DUOXA1: variants seen among roughly 807,000 people sequenced by gnomAD.
DUOXA1 encodes dual oxidase activator 1.
Under a neutral mutation model 26.6 loss-of-function variants are expected in DUOXA1, and 19 were observed. The ratio of observed to expected loss-of-function variants is 0.71; its 90% CI spans 0.50 to 1.05. The LOEUF (loss-of-function observed/expected upper bound fraction) is 1.05, where lower values mean the gene tolerates loss of function less well. DUOXA1 is among the 50% of genes least tolerant of loss of function. The pLI is 0.00. For synonymous variants in DUOXA1, 166 were observed against 177.0 expected (o/e 0.94, Z 0.49); for missense variants, 403 against 427.5 (o/e 0.94, Z 0.51).
At position 45,117,698 on chromosome 15, in the gene DUOXA1, C is replaced by T. The variant is rs1415795855; in HGVS notation, c.*1408G>A. Reference sequence around the variant, plus strand: ...TGACTCCACATGCCCTCCTTTCTTTCGATCCCCACCGCCACAGGCGTCCTG... The same window carrying T: ...TGACTCCACATGCCCTCCTTTCTTTTGATCCCCACCGCCACAGGCGTCCTG... On this transcript the variant is annotated 3_prime_UTR_variant, in exon 9 of 9. Coordinates refer to ENST00000560572, the MANE Select transcript of DUOXA1 (RefSeq NM_001276266.2). 2.5e-6 allele frequency: 4 copies of T among 1,613,626 alleles called. No individual in the cohort carries two copies. In the East Asian group the frequency reaches 6.7e-5, roughly 27 times the overall value.
rs1186554414 is a variant in DUOXA1, at chr15:45,125,315, A to G, written c.-29-2272T>C. On this transcript the variant is annotated intron_variant, in intron 3 of 8. Coordinates refer to ENST00000560572, the MANE Select transcript of DUOXA1 (RefSeq NM_001276266.2). The stretch of plus-strand genomic sequence containing the variant: ...TTTATCATCAGTTGTCCCCCTTCCC[A>G]TCATAGCGTCCCAGCTTCTTTTTCT... Among the ~76,000 whole-genome samples, 8 of 151,904 alleles carry G rather than the reference A, an allele frequency of 5.3e-5. No homozygotes were observed. In the South Asian group the frequency reaches 1.7e-3, roughly 32 times the overall value.
rs376672007 is a variant in DUOXA1 at position 45,120,601 on chromosome 15, G to C, written c.545C>G (p.Ala182Gly). Reference protein sequence around the residue: ...QYRLAGHYTSAMLWVAFLCWL... With the variant: ...QYRLAGHYTSGMLWVAFLCWL... ...TCCTTCCCATCCTCACCATAGCATG[G>C]CTGAGGTGTAGTGTCCCGCCAGGCG... is the stretch of plus-strand genomic sequence containing the variant. Residue 182 changes from alanine (A) to glycine (G), a missense_variant, in exon 7 of 9, where the codon GCC becomes GGC. Ala to Gly is a moderately conservative substitution (Grantham distance 60). Transcript: ENST00000560572. 6.2e-7 allele frequency: 1 copy of C among 1,613,998 alleles called. No homozygotes were observed. Among genetic ancestry groups the C allele is most frequent in the Non-Finnish European group, 8.5e-7 (1 of 1,179,998 alleles).
chr15:45,125,696 C>T (rs139614752), intron 3 of DUOXA1, among the ~76,000 whole-genome samples: 8 of 152,286 alleles, frequency 5.3e-5, no homozygotes, highest in African/African-American at 1.7e-4. Context: ...TCCATCACAC[C>T]ATGTTCTCCA....
Position 45,118,160 on chromosome 15 carries a change from A to G in DUOXA1, c.*946T>C. 7.0e-7 allele frequency: 1 copy of G among 1,437,698 alleles called. No homozygotes were observed. The highest frequency in any genetic ancestry group is 2.5e-5 in the East Asian group (1 of 40,072). The allele number at this position is 1,437,698 out of a possible 1,614,324, so 89.1% of individuals were successfully genotyped here. On this transcript the variant is annotated 3_prime_UTR_variant, in exon 9 of 9. Coordinates refer to ENST00000560572, the MANE Select transcript of DUOXA1 (RefSeq NM_001276266.2). ...CTCCGCGCCGGGGTCGCACGTCCTC[A>G]TGAGCTTCGCTGGGCTGGAGACAGC...
intron 7 of DUOXA1, 37 bp from the exon 8 acceptor site, chr15:45,120,357 A>G: frequency 2.5e-6 from 4 of 1,611,500 alleles, no homozygotes; most frequent in Non-Finnish European, 3.4e-6. Flanking sequence ...TGGCCCAGGT[A>G]CTTCTACCTG....
chr15:45,127,845 A>G (rs1474806125), intron 3 of DUOXA1, among the ~76,000 whole-genome samples: 1 of 152,236 alleles, frequency 6.6e-6, no homozygotes, highest in Non-Finnish European at 1.5e-5. Flanking sequence ...CACAGTGTAC[A>G]TTGATATAAA....
Position 45,117,957 on chromosome 15 carries a change from G to A in DUOXA1, c.*1149C>T, listed in dbSNP as rs756753743. 3.1e-6 allele frequency: 5 copies of A among 1,612,786 alleles called. No individual in the cohort carries two copies. The highest frequency in any genetic ancestry group is 3.4e-6 in the Non-Finnish European group (4 of 1,179,700). ...TCCCCGCCTTGGGACATCGCAGGCC[G>A]GGAAGCAGTGCCCGCCAGGCCTGGG... On this transcript the variant is annotated 3_prime_UTR_variant, in exon 9 of 9. Transcript: ENST00000560572.
intron 3 of DUOXA1, among the ~76,000 whole-genome samples, chr15:45,127,075 G>A (rs1895737849): frequency 6.6e-6 from 1 of 152,142 alleles, no homozygotes; most frequent in African/African-American, 2.4e-5. Flanking sequence ...ACTGACGTAA[G>A]AATTCTTTAT....
At position 45,119,208 on chromosome 15, in the gene DUOXA1, C is replaced by T; in HGVS notation, c.930G>A (p.Met310Ile). The change falls in exon 9 of 9, where the codon ATG becomes ATA. Residue 310 changes from methionine (M) to isoleucine (I), a missense_variant. Met to Ile is a conservative substitution (Grantham distance 10). Transcript: ENST00000560572. ...GGLLSPRYRS[M>I]ADSPKSQDIP... ...TGTCCTGGGACTTGGGACTGTCAGCCATGGACCGGTAGCGGGGGCTCAGGA... is the reference window on the plus strand; with the variant it reads ...TGTCCTGGGACTTGGGACTGTCAGCTATGGACCGGTAGCGGGGGCTCAGGA... 1.2e-6 allele frequency: 2 copies of T among 1,614,076 alleles called. No individual in the cohort carries two copies. The highest frequency in any genetic ancestry group is 1.7e-6 in the Non-Finnish European group (2 of 1,179,988).
chr15:45,124,905 C>T (rs934377497), intron 3 of DUOXA1, among the ~76,000 whole-genome samples: 1 of 152,138 alleles, frequency 6.6e-6, no homozygotes, highest in Non-Finnish European at 1.5e-5. Context: ...GACAGGTAAG[C>T]GACAACCTCT....
chr15:45,120,752 A>G lies in DUOXA1; in HGVS notation c.394T>C (p.Trp132Arg). The G allele has an allele frequency of 6.2e-7, 1 of 1,614,124 alleles. No individual in the cohort carries two copies. Among genetic ancestry groups the G allele is most frequent in the Non-Finnish European group, 8.5e-7 (1 of 1,179,986 alleles). The change falls in exon 7 of 9, where the codon TGG becomes CGG. Residue 132 changes from tryptophan (W) to arginine (R), a missense_variant. Coordinates refer to ENST00000560572, the MANE Select transcript of DUOXA1 (RefSeq NM_001276266.2). ...TCAGCATAGTTCTCACCCAGGCGCC[A>G]GGTGAACTCCTCGTTGTAATTGATG... ...ETINYNEEFT[W>R]RLGENYAEEY...
chr15:45,122,983 T>C lies in DUOXA1; in HGVS notation c.32A>G (p.Tyr11Cys). The C allele has an allele frequency of 1.2e-6, 2 of 1,612,826 alleles. No homozygotes were observed. The highest frequency in any genetic ancestry group is 1.7e-6 in the Non-Finnish European group (2 of 1,179,452). The change falls in exon 4 of 9, where the codon TAT becomes TGT. Residue 11 changes from tyrosine (Y) to cysteine (C), a missense_variant. Coordinates refer to ENST00000560572, the MANE Select transcript of DUOXA1 (RefSeq NM_001276266.2). MATLGHTFPF[Y>C]AGPKPTFPMD... ...CGGGAAGGTTGGCTTGGGGCCAGCA[T>C]AGAAGGGGAATGTGTGTCCCAAAGT...
rs367933259 is a variant in DUOXA1, at chr15:45,120,265, C to A, written c.610G>T (p.Val204Leu). ...GCCAATAGCATGTAGCCACCATATA[C>A]CAGCACAGGCATGGAGAGCATCACA... is the stretch of plus-strand genomic sequence containing the variant. The part of the protein sequence containing the change: ...ANVMLSMPVL[V>L]YGGYMLLATG... Residue 204 changes from valine (V) to leucine (L), a missense_variant, in exon 8 of 9, where the codon GTA (valine) becomes TTA (leucine). Physicochemically the swap from Val to Leu is conservative, Grantham distance 32. Transcript: ENST00000560572. The A allele has an allele frequency of 6.2e-7, 1 of 1,614,130 alleles. No individual in the cohort carries two copies.
intron 3 of DUOXA1, among the ~76,000 whole-genome samples, chr15:45,127,884 G>A (rs1895798726): frequency 6.6e-6 from 1 of 152,146 alleles, no homozygotes; most frequent in Non-Finnish European, 1.5e-5. Flanking sequence ...AGTCAAATAT[G>A]CACCTACAAA....
At chr15:45,122,407 C>T (rs558815162) in intron 4 of DUOXA1, among the ~76,000 whole-genome samples, 165 bp from the exon 5 acceptor site, 1 of 152,106 alleles carries the variant, frequency 6.6e-6, no homozygotes, top group Non-Finnish European at 1.5e-5. Flanking sequence ...TTTATGTATG[C>T]ATTTATTTAT....
Position 45,118,299 on chromosome 15 carries a change from A to G in DUOXA1, c.*807T>C. On this transcript the variant is annotated 3_prime_UTR_variant, in exon 9 of 9. Coordinates refer to ENST00000560572, the MANE Select transcript of DUOXA1 (RefSeq NM_001276266.2). ...CCTACCAGAGCTAGCATCTTTCTGA[A>G]CCACCCCAGGGGGACGTTAGGTGGC... is the stretch of plus-strand genomic sequence containing the variant. 1 of 1,299,854 alleles carries G rather than the reference A, an allele frequency of 7.7e-7. No homozygotes were observed. Among genetic ancestry groups the G allele is most frequent in the South Asian group, 2.3e-5 (1 of 43,868 alleles). The allele number at this position is 1,299,854 out of a possible 1,614,324, so 80.5% of individuals were successfully genotyped here. A position where few individuals can be genotyped will look rare whatever the true frequency, so the allele number is the denominator to read the frequency against.
At position 45,129,067 on chromosome 15, in the gene DUOXA1, TC is replaced by T. The variant is rs1895940445; in HGVS notation, c.-80del. 6.6e-6 allele frequency: 1 copy of T among 152,106 alleles called. No homozygotes were observed. The highest frequency in any genetic ancestry group is 6.6e-5 in the Admixed American group (1 of 15,256). The allele number at this position is 152,106 out of a possible 1,614,324, so 9.4% of individuals were successfully genotyped here. A position where few individuals can be genotyped will look rare whatever the true frequency, so the allele number is the denominator to read the frequency against. ...GTGTGGCAGCCTGCGCCTCTCGCCT[TC>T]CCCCGTGGAACCTCACACGAAGCGC... is the stretch of plus-strand genomic sequence containing the variant. On this transcript the variant is annotated 5_prime_UTR_variant, in exon 3 of 9. Transcript: ENST00000560572. The surrounding 1 kb of genome is among the most constrained non-coding windows in gnomAD (Gnocchi z 4.1).
rs769034135 is a variant in DUOXA1, at chr15:45,117,894, C to T, written c.*1212G>A. The T allele has an allele frequency of 6.2e-7, 1 of 1,613,448 alleles. No homozygotes were observed. The highest frequency in any genetic ancestry group is 2.2e-5 in the East Asian group (1 of 44,868). On this transcript the variant is annotated 3_prime_UTR_variant, in exon 9 of 9. Coordinates refer to ENST00000560572, the MANE Select transcript of DUOXA1 (RefSeq NM_001276266.2). ...CCGCTCTCCCAGACTTAAAATGTAT[C>T]ACCACTAACCTGTGAGGGGGACCCA...
At position 45,118,062 on chromosome 15, in the gene DUOXA1, G is replaced by A. The variant is rs1209276593; in HGVS notation, c.*1044C>T. The A allele has an allele frequency of 6.4e-7, 1 of 1,555,384 alleles. No individual in the cohort carries two copies. Among genetic ancestry groups the A allele is most frequent in the Non-Finnish European group, 8.7e-7 (1 of 1,152,676 alleles). On this transcript the variant is annotated 3_prime_UTR_variant, in exon 9 of 9. Transcript: ENST00000560572. Reference sequence around the variant, plus strand: ...CCGCAGGCACCAGGGAAAGTCTCCTGGGGCGATCTGTAAATAAACCTTTTT... The same window carrying A: ...CCGCAGGCACCAGGGAAAGTCTCCTAGGGCGATCTGTAAATAAACCTTTTT...
Sources: allele counts gnomAD v4.1 joint callset (sites outside exome capture counted in the v4.1 genomes callset), GRCh38; gene constraint gnomAD v4.1.1; non-coding constraint Gnocchi (gnomAD v3.1); transcripts MANE v1.5; gene names NCBI Gene and HGNC (gene_info 2026-07-23, HGNC 2026-07-21).